Variants in ADARB2 observed in about 807,000 individuals in gnomAD.
ADARB2 encodes the protein adenosine deaminase RNA specific B2 (inactive), also known as inactive double-stranded RNA-specific editase B2.
In ADARB2, 25 loss-of-function variants were observed where a neutral mutation model predicts 62.2. The observed-to-expected ratio is 0.40, with a 90% CI of 0.29 to 0.56. The LOEUF is 0.56. Among genes scored for constraint, ADARB2 ranks in the 20% least tolerant of loss-of-function variants. ADARB2 has a pLI of 0.43. For synonymous variants in ADARB2, 572 were observed against 500.8 expected (o/e 1.14, Z -1.90); for missense variants, 1,071 against 1,077.4 (o/e 0.99, Z 0.08).
At chr10:1,364,219 C>T (rs889918516) in intron 2 of ADARB2, among the ~76,000 whole-genome samples, 18 of 152,210 alleles carry the variant, frequency 1.2e-4, no homozygotes, top group Non-Finnish European at 2.6e-4. Flanking sequence ...TGACTTTGTA[C>T]AAGTTTTGGG....
At chr10:1,209,489 A>AGC (rs1331476891) in intron 7 of ADARB2, among the ~76,000 whole-genome samples, 12 of 139,578 alleles carry the variant, frequency 8.6e-5, no homozygotes, top group African/African-American at 3.5e-4. Context: ...CCATGCCTAC[A>AGC]CTGTCGCCCA....
At chr10:1,623,135 T>C (rs1588327673) in intron 1 of ADARB2, among the ~76,000 whole-genome samples, 1 of 152,186 alleles carries the variant, frequency 6.6e-6, no homozygotes, top group Non-Finnish European at 1.5e-5. Flanking sequence ...TATTTAGAGA[T>C]GGGGCATCCA....
At chr10:1,340,801 G>A (rs1284109585) in intron 3 of ADARB2, among the ~76,000 whole-genome samples, 7 of 132,630 alleles carry the variant, frequency 5.3e-5, no homozygotes, top group Non-Finnish European at 8.0e-5. Context: ...AGAACCACGC[G>A]CCCCACAGCG....
In ADARB2 at chr10:1,180,140, T is replaced by A. The variant is rs1190406951; in HGVS notation, c.*3053A>T. 1 of 152,182 alleles carries A rather than the reference T, an allele frequency of 6.6e-6. No individual in the cohort carries two copies. The highest frequency in any genetic ancestry group is 1.5e-5 in the Non-Finnish European group (1 of 68,080). 9.4% of individuals were successfully genotyped at this position (152,182 alleles called of 1,614,324 possible). ...ATCCTCAGGCTTCAACACGAGCCCTTCCATCTCTGCAGAGGTGGCACAGCC... is the reference window on the plus strand; with the variant it reads ...ATCCTCAGGCTTCAACACGAGCCCTACCATCTCTGCAGAGGTGGCACAGCC... On this transcript the variant is annotated 3_prime_UTR_variant, in exon 10 of 10. Transcript: ENST00000381312.
At chr10:1,412,121 T>C (rs1236925006) in intron 1 of ADARB2, among the ~76,000 whole-genome samples, 2 of 152,112 alleles carry the variant, frequency 1.3e-5, no homozygotes, top group Non-Finnish European at 1.5e-5. Context: ...GTGGTCAAGA[T>C]GTCTGTGCCT....
intron 7 of ADARB2, among the ~76,000 whole-genome samples, chr10:1,214,921 G>GC (rs1837213041): frequency 6.6e-6 from 1 of 152,240 alleles, no homozygotes; most frequent in Non-Finnish European, 1.5e-5. Context: ...AGCCAGGAAG[G>GC]AAAGGGCACC....
chr10:1,247,045 T>C (rs1830992812), intron 4 of ADARB2, among the ~76,000 whole-genome samples: 1 of 152,194 alleles, frequency 6.6e-6, no homozygotes, highest in African/African-American at 2.4e-5. Context: ...AAGAGGTCCT[T>C]CACATCCCTT....
intron 4 of ADARB2, among the ~76,000 whole-genome samples, chr10:1,253,527 T>TGC (rs1178915427): frequency 7.2e-5 from 11 of 152,350 alleles, no homozygotes; most frequent in Non-Finnish European, 5.9e-5. Flanking sequence ...TGTTTATCCA[T>TGC]CCATTCATTC....
intron 3 of ADARB2, among the ~76,000 whole-genome samples, chr10:1,296,086 TC>T (rs1831520776): frequency 6.6e-6 from 1 of 152,218 alleles, no homozygotes; most frequent in African/African-American, 2.4e-5. Flanking sequence ...GGAGACCCCT[TC>T]CTGTCATGGT....
At chr10:1,553,021 T>A (rs1393496601) in intron 1 of ADARB2, among the ~76,000 whole-genome samples, 2 of 152,214 alleles carry the variant, frequency 1.3e-5, no homozygotes, top group African/African-American at 4.8e-5. Flanking sequence ...GGGAACATCC[T>A]GGGACATGGG....
chr10:1,566,516 C>T (rs77166286), intron 1 of ADARB2, among the ~76,000 whole-genome samples: 4 of 152,074 alleles, frequency 2.6e-5, no homozygotes, highest in Admixed American at 6.5e-5. Flanking sequence ...TAATGGACAG[C>T]GTTTTAGTGG....
intron 1 of ADARB2, among the ~76,000 whole-genome samples, chr10:1,528,142 A>G (rs1335418815): frequency 6.6e-6 from 1 of 152,230 alleles, no homozygotes. Context: ...GCTGTGGGCT[A>G]CGTTCTCGCC....
intron 3 of ADARB2, among the ~76,000 whole-genome samples, chr10:1,332,432 T>A (rs912779163): frequency 3.2e-4 from 44 of 138,598 alleles, no homozygotes; most frequent in Admixed American, 5.0e-4. Context: ...AAAAAAAAAA[T>A]AAATAAAAAA....
chr10:1,311,223 C>T (rs150132280), intron 3 of ADARB2, among the ~76,000 whole-genome samples: 5 of 152,354 alleles, frequency 3.3e-5, no homozygotes, highest in East Asian at 1.9e-4. Flanking sequence ...ATGCTGGTGC[C>T]GGTCCTGTCC....
intron 8 of ADARB2, among the ~76,000 whole-genome samples, chr10:1,194,340 A>G (rs867834771): frequency 6.6e-6 from 1 of 152,236 alleles, no homozygotes; most frequent in African/African-American, 2.4e-5. Flanking sequence ...GTGCCTCCAC[A>G]TGGCTTGTGG....
chr10:1,633,930 G>A (rs76898769), intron 1 of ADARB2, among the ~76,000 whole-genome samples: 3,490 of 152,174 alleles, frequency 0.023, 46 homozygotes, highest in Middle Eastern at 0.054. Flanking sequence ...CAGGCGACCC[G>A]CCATCCTACA....
intron 3 of ADARB2, among the ~76,000 whole-genome samples, chr10:1,332,744 A>G (rs569743574): frequency 2.0e-5 from 3 of 152,258 alleles, no homozygotes; most frequent in Admixed American, 6.5e-5. Context: ...AGACACCACT[A>G]CTGGTTAATT....
At chr10:1,244,967 C>T (rs552317578) in intron 4 of ADARB2, among the ~76,000 whole-genome samples, 23 of 152,318 alleles carry the variant, frequency 1.5e-4, no homozygotes, top group African/African-American at 3.4e-4. Context: ...CAGTCACAGA[C>T]GCCTTGAGTA....
At chr10:1,651,622 C>T (rs113527222) in intron 1 of ADARB2, among the ~76,000 whole-genome samples, 1,816 of 152,372 alleles carry the variant, frequency 0.012, 13 homozygotes, top group Non-Finnish European at 0.019. Flanking sequence ...ATTTCAGGCC[C>T]GTGCTGTTTG....
Sources: allele counts gnomAD v4.1 joint callset (sites outside exome capture counted in the v4.1 genomes callset), GRCh38; gene constraint gnomAD v4.1.1; transcripts MANE v1.5; gene names NCBI Gene and HGNC (gene_info 2026-07-23, HGNC 2026-07-21).